OPRM1: variants seen among roughly 807,000 people sequenced by gnomAD.
The protein encoded by OPRM1 is mu-type opioid receptor.
A neutral mutation model predicts 31.8 loss-of-function variants in OPRM1; 27 were observed. The ratio of observed to expected loss-of-function variants is 0.85; its 90% CI spans 0.63 to 1.17. OPRM1 has a LOEUF of 1.17. Ranked by LOEUF, OPRM1 falls within the 50% of genes most tolerant of loss-of-function variation. The probability of loss-of-function intolerance (pLI) is 0.00; values close to 1 mark genes in which losing one functional copy is unlikely to be tolerated. For synonymous variants in OPRM1, 196 were observed against 189.9 expected, an observed-to-expected ratio of 1.03 and a Z score of -0.26; for missense variants, 536 against 511.1, an observed-to-expected ratio of 1.05 and a Z score of -0.47.
chr6:154,140,920 G>A (rs1798190334), intron 3 of OPRM1, among the ~76,000 whole-genome samples: 1 of 152,168 alleles, frequency 6.6e-6, no homozygotes. Context: ...AGCACTAGAT[G>A]CTGTAGAAGC....
Position 154,131,827 on chromosome 6 carries a change from A to G in OPRM1, c.*13106A>G, listed in dbSNP as rs1295390708. ...TTGCCTGGAAACCTGTATTTCGCCT[A>G]TAGAGACAAATACATATATTGTTTG... On this transcript the variant is annotated 3_prime_UTR_variant, in exon 4 of 4. Coordinates refer to ENST00000330432, the MANE Select transcript of OPRM1 (RefSeq NM_000914.5). Among the ~76,000 whole-genome samples the G allele has an allele frequency of 6.6e-6, 1 of 152,110 alleles. No individual in the cohort carries two copies. Among genetic ancestry groups the G allele is most frequent in the Non-Finnish European group, 1.5e-5 (1 of 67,996 alleles).
chr6:154,087,184 T>G (rs1790793952), intron 1 of OPRM1: 1 of 985,320 alleles, frequency 1.0e-6, no homozygotes, highest in Non-Finnish European at 1.2e-6. Context: ...TAATGCAGCT[T>G]CTGCAAGTAT....
chr6:154,203,047 T>C (rs2128594897), intron 3 of OPRM1, among the ~76,000 whole-genome samples: 1 of 152,296 alleles, frequency 6.6e-6, no homozygotes, highest in South Asian at 2.1e-4. Context: ...TTATAGACCG[T>C]GTAGTGCTAA....
upstream of OPRM1, among the ~76,000 whole-genome samples, chr6:154,034,502 C>A (rs1203991336): frequency 1.3e-5 from 2 of 152,050 alleles, no homozygotes; most frequent in East Asian, 1.9e-4. Flanking sequence ...GAGCTGAGAT[C>A]GCGCCACTGC....
At chr6:154,100,088 T>TCATGATATA (rs1250732209) in intron 3 of OPRM1, among the ~76,000 whole-genome samples, 81 of 79,082 alleles carry the variant, frequency 1.0e-3, no homozygotes, top group Middle Eastern at 8.3e-3. Flanking sequence ...ATATTATATA[T>TCATGATATA]TATCATATTA....
intron 3 of OPRM1, among the ~76,000 whole-genome samples, chr6:154,144,242 T>C (rs541252181): frequency 6.6e-6 from 1 of 152,272 alleles, no homozygotes; most frequent in African/African-American, 2.4e-5. Flanking sequence ...ACTAAACGTT[T>C]AAAGAAGAAT....
chr6:154,243,559 A>G lies in OPRM1; in HGVS notation c.1165-3134A>G, dbSNP rs1030210877. Among the ~76,000 whole-genome samples, 4 of 152,356 alleles carry G rather than the reference A, an allele frequency of 2.6e-5. No individual in the cohort carries two copies. In the East Asian group the frequency reaches 7.7e-4, roughly 29 times the overall value. On this transcript the variant is annotated intron_variant, in intron 3 of 3. Transcript: ENST00000337049. ...CCCAGGCAGTGTCAGGCAATGACGG[A>G]GAGAGAAAAGCAAAGGGATTCAATG...
Position 154,125,309 on chromosome 6 carries a change from A to G in OPRM1, c.*6588A>G, listed in dbSNP as rs898584917. Among the ~76,000 whole-genome samples the G allele has an allele frequency of 2.0e-5, 3 of 152,210 alleles. No homozygotes were observed. The highest frequency in any genetic ancestry group is 2.9e-5 in the Non-Finnish European group (2 of 68,042). Reference sequence around the variant, plus strand: ...TCATGCATCTCAATGATTTGTTGTCATCCAAAGCTATTTCATGAATCAAAT... The same window carrying G: ...TCATGCATCTCAATGATTTGTTGTCGTCCAAAGCTATTTCATGAATCAAAT... On this transcript the variant is annotated 3_prime_UTR_variant, in exon 4 of 4. Coordinates refer to ENST00000330432, the MANE Select transcript of OPRM1 (RefSeq NM_000914.5).
intron 1 of OPRM1, among the ~76,000 whole-genome samples, chr6:154,060,115 TAAG>T (rs1401196046): frequency 1.3e-5 from 2 of 152,130 alleles, no homozygotes; most frequent in East Asian, 1.9e-4. Context: ...TGGAAGACTC[TAAG>T]AAGAATCAAT....
intron 3 of OPRM1, among the ~76,000 whole-genome samples, chr6:154,188,723 A>G (rs955525602): frequency 6.6e-6 from 1 of 152,258 alleles, no homozygotes; most frequent in African/African-American, 2.4e-5. Flanking sequence ...CACTCGATTC[A>G]TGAGAAAGAT....
chr6:154,025,884 G>A (rs1778667677), intron 1 of OPRM1, among the ~76,000 whole-genome samples: 1 of 151,818 alleles, frequency 6.6e-6, no homozygotes, highest in African/African-American at 2.4e-5. Context: ...ATATCTTATT[G>A]TACTGCTTAT....
chr6:154,167,261 T>C (rs1477686126), intron 3 of OPRM1, among the ~76,000 whole-genome samples: 2 of 152,372 alleles, frequency 1.3e-5, no homozygotes, highest in East Asian at 1.9e-4. Flanking sequence ...AGGACACTTT[T>C]GTTATGAAGA....
chr6:154,183,667 G>A (rs1021872639), intron 3 of OPRM1, among the ~76,000 whole-genome samples: 1 of 152,156 alleles, frequency 6.6e-6, no homozygotes, highest in African/African-American at 2.4e-5. Flanking sequence ...TTGAGGCCGA[G>A]GCAGGCAGAT....
At chr6:154,084,846 A>G (rs3798677) in intron 1 of OPRM1, among the ~76,000 whole-genome samples, 24,623 of 151,906 alleles carry the variant, frequency 0.16, 2,107 homozygotes, top group African/African-American at 0.19. Context: ...TCTTCCGTCC[A>G]TCACCATTGA....
chr6:154,119,072 A>C lies in OPRM1; in HGVS notation c.*351A>C. On this transcript the variant is annotated 3_prime_UTR_variant, in exon 4 of 4. Coordinates refer to ENST00000330432, the MANE Select transcript of OPRM1 (RefSeq NM_000914.5). ...GCAAATATTTATGACCTCAACAAAGAAGAACCATCTTTTGTTAAGTTCACC... is the reference window on the plus strand; with the variant it reads ...GCAAATATTTATGACCTCAACAAAGCAGAACCATCTTTTGTTAAGTTCACC... 1 of 1,031,798 alleles carries C rather than the reference A, an allele frequency of 9.7e-7. No homozygotes were observed. The highest frequency in any genetic ancestry group is 1.2e-6 in the Non-Finnish European group (1 of 859,742). The allele number at this position is 1,031,798 out of a possible 1,614,324, so 63.9% of individuals were successfully genotyped here. A position where few individuals can be genotyped will look rare whatever the true frequency, so the allele number is the denominator to read the frequency against.
intron 1 of OPRM1, among the ~76,000 whole-genome samples, chr6:154,067,339 G>C (rs1414017946): frequency 6.6e-6 from 1 of 151,644 alleles, no homozygotes; most frequent in Non-Finnish European, 1.5e-5. Context: ...ATTTCAGTGT[G>C]TTGTGCTTTA....
chr6:154,026,616 C>T (rs986635655), intron 1 of OPRM1, among the ~76,000 whole-genome samples: 1 of 152,012 alleles, frequency 6.6e-6, no homozygotes. Flanking sequence ...TGTAAGTGTG[C>T]TTCTTTGTTT....
At chr6:154,183,632 C>T (rs1407721457) in intron 3 of OPRM1, among the ~76,000 whole-genome samples, 2 of 152,154 alleles carry the variant, frequency 1.3e-5, no homozygotes, top group African/African-American at 2.4e-5. Flanking sequence ...TGGGTGGTGG[C>T]TTACACCTGT....
intron 1 of OPRM1, among the ~76,000 whole-genome samples, chr6:154,059,797 G>A (rs1784051169): frequency 6.6e-6 from 1 of 152,110 alleles, no homozygotes. Flanking sequence ...AGCCCTTTGT[G>A]TCTCAGTGTT....
Sources: allele counts gnomAD v4.1 joint callset (sites outside exome capture counted in the v4.1 genomes callset), GRCh38; gene constraint gnomAD v4.1.1; transcripts MANE v1.5; gene names NCBI Gene and HGNC (gene_info 2026-07-23, HGNC 2026-07-21).